The following CCDC38 variants were observed in gnomAD, a reference collection of about 807,000 sequenced individuals.
CCDC38 encodes coiled-coil domain-containing protein 38.
Under a neutral mutation model 72.8 loss-of-function variants are expected in CCDC38, and 69 were observed. The ratio of observed to expected loss-of-function variants is 0.95; its 90% CI spans 0.78 to 1.16. The LOEUF is 1.16. Among genes scored for constraint, CCDC38 ranks in the 50% most tolerant of loss-of-function variants. CCDC38 has a pLI of 0.00. For missense variants in CCDC38, 626 were observed against 638.9 expected, an observed-to-expected ratio of 0.98 and a Z score of 0.22; for synonymous variants, 201 against 213.2, an observed-to-expected ratio of 0.94 and a Z score of 0.50.
intron 9 of CCDC38, 110 bp downstream of exon 9, chr12:95,890,722 G>C: frequency 1.7e-6 from 1 of 597,932 alleles, no homozygotes; most frequent in Non-Finnish European, 3.0e-6. Flanking sequence ...GATTGAGGGT[G>C]GGGTGGACAC....
intron 7 of CCDC38, among the ~76,000 whole-genome samples, chr12:95,897,479 G>A (rs2079902063): frequency 1.3e-5 from 2 of 151,718 alleles, no homozygotes; most frequent in South Asian, 4.2e-4. Flanking sequence ...GCGTGGAGGT[G>A]GGCACCTGTA....
At chr12:95,901,230 A>AT (rs1436588772) in intron 5 of CCDC38, among the ~76,000 whole-genome samples, 3 of 152,200 alleles carry the variant, frequency 2.0e-5, no homozygotes, top group African/African-American at 7.2e-5. Context: ...GGAGTCAAGG[A>AT]TAACCCCAAT....
intron 15 of CCDC38, among the ~76,000 whole-genome samples, chr12:95,868,710 C>G (rs1259817609): frequency 1.3e-5 from 2 of 152,162 alleles, no homozygotes; most frequent in Non-Finnish European, 2.9e-5. Flanking sequence ...GATGCTATCC[C>G]AGAGGAGGGA....
At chr12:95,925,166 C>T (rs1592801095) in intron 2 of CCDC38, among the ~76,000 whole-genome samples, 2 of 152,158 alleles carry the variant, frequency 1.3e-5, no homozygotes, top group East Asian at 3.9e-4. Context: ...TTCTTCCTAT[C>T]CATGAGCATG....
Position 95,908,652 on chromosome 12 carries a change from GA to G in CCDC38, c.305-2202del, listed in dbSNP as rs2080054618. ...GGGAGAGGGAGGAGAGGGAGAGGGA[GA>G]GGGAGGAGAGGGAGAGGGAGAGGGA... On this transcript the variant is annotated intron_variant, in intron 4 of 15. Coordinates refer to ENST00000344280, the MANE Select transcript of CCDC38 (RefSeq NM_182496.3). 1.6e-4 allele frequency among the ~76,000 whole-genome samples: 4 copies of G among 25,116 alleles called. 1 individual carries two copies. The highest frequency in any genetic ancestry group is 2.6e-4 in the Non-Finnish European group (4 of 15,520). 16.5% of individuals were successfully genotyped at this position (25,116 alleles called of 152,430 possible).
chr12:95,883,161 T>C (rs1043845697), intron 10 of CCDC38, among the ~76,000 whole-genome samples: 5 of 152,228 alleles, frequency 3.3e-5, no homozygotes, highest in Admixed American at 6.5e-5. Context: ...CCAATCTCTC[T>C]CACCTGAATT....
chr12:95,916,379 G>GCCTGCCTGCCTTCCTTCCTTCCTT (rs1457231674), intron 4 of CCDC38, among the ~76,000 whole-genome samples: 7,345 of 146,816 alleles, frequency 0.05, 252 homozygotes, highest in Non-Finnish European at 0.069. Flanking sequence ...TTGCCTGCCT[G>GCCTGCCTGCCTTCCTTCCTTCCTT]CCTTCCTTCC....
intron 15 of CCDC38, 69 bp downstream of exon 15, chr12:95,869,411 T>C: frequency 1.7e-6 from 2 of 1,163,480 alleles, no homozygotes; most frequent in Non-Finnish European, 1.3e-6. Flanking sequence ...GTTAGACGAA[T>C]AAAGTATTTT....
intron 5 of CCDC38, 86 bp downstream of exon 5, chr12:95,906,301 G>T: frequency 3.0e-6 from 3 of 988,612 alleles, no homozygotes; most frequent in Non-Finnish European, 4.7e-6. Context: ...ACATGTAATA[G>T]ACAAGCAAAA....
At chr12:95,882,941 C>A (rs142727215) in intron 10 of CCDC38, among the ~76,000 whole-genome samples, 2 of 152,352 alleles carry the variant, frequency 1.3e-5, no homozygotes, top group African/African-American at 4.8e-5. Context: ...AGGCCTGCTC[C>A]TCTTACTGGG....
chr12:95,887,636 G>A (rs527683103), intron 10 of CCDC38, among the ~76,000 whole-genome samples: 1 of 152,166 alleles, frequency 6.6e-6, no homozygotes, highest in South Asian at 2.1e-4. Context: ...GCTCTGAAAG[G>A]GCAACATGAA....
intron 9 of CCDC38, among the ~76,000 whole-genome samples, chr12:95,889,933 G>T (rs2079805390): frequency 6.6e-6 from 1 of 151,358 alleles, no homozygotes; most frequent in South Asian, 2.1e-4. Context: ...TTGACATAGG[G>T]TCTCACTCCG....
rs1307522790 is a variant in CCDC38, at chr12:95,872,474, GA to G, written c.1279-15del. ...TATCAGTATTTCCTGAGATTGAGAA[GA>G]GCAGAAAACATTAACATCACATTCC... On this transcript the variant is annotated splice_polypyrimidine_tract_variant and intron_variant, in intron 13 of 15. Coordinates refer to ENST00000344280, the MANE Select transcript of CCDC38 (RefSeq NM_182496.3). 4 of 1,563,666 alleles carry G rather than the reference GA, an allele frequency of 2.6e-6. No homozygotes were observed. The highest frequency in any genetic ancestry group is 2.6e-6 in the Non-Finnish European group (3 of 1,134,554).
In CCDC38 at chr12:95,879,020, G is replaced by T. The variant is rs2079668674; in HGVS notation, c.1142+624C>A. 6.6e-6 allele frequency among the ~76,000 whole-genome samples: 1 copy of T among 152,042 alleles called. No individual in the cohort carries two copies. Among genetic ancestry groups the T allele is most frequent in the Non-Finnish European group, 1.5e-5 (1 of 68,006 alleles). ...GCCCAGAAAACTGTTCTGAGAAAAG[G>T]TTCTACACATTTTTGCAATGAGTAG... is the stretch of plus-strand genomic sequence containing the variant. On this transcript the variant is annotated intron_variant, in intron 12 of 15. Transcript: ENST00000344280. The surrounding 1 kb of genome is among the most constrained non-coding windows in gnomAD (Gnocchi z 5.5).
At chr12:95,882,424 G>C (rs997989238) in intron 10 of CCDC38, among the ~76,000 whole-genome samples, 1 of 152,130 alleles carries the variant, frequency 6.6e-6, no homozygotes, top group Non-Finnish European at 1.5e-5. Flanking sequence ...TCACAGGAAG[G>C]AAAACAGCTT....
chr12:95,886,973 CA>C lies in CCDC38; in HGVS notation c.920+1484del, dbSNP rs539139253. 5.9e-5 allele frequency among the ~76,000 whole-genome samples: 9 copies of C among 152,310 alleles called. No homozygotes were observed. In the East Asian group the frequency reaches 1.7e-3, roughly 29 times the overall value. ...CCAAGTCATGTGGATCACCTGAAGT[CA>C]GAAGTTCGAGACCAGCCTGACCAAC... On this transcript the variant is annotated intron_variant, in intron 10 of 15. Coordinates refer to ENST00000344280, the MANE Select transcript of CCDC38 (RefSeq NM_182496.3).
At chr12:95,916,424 C>CCTTCCTTCCTTCCTT (rs2080146030) in intron 4 of CCDC38, among the ~76,000 whole-genome samples, 1 of 148,892 alleles carries the variant, frequency 6.7e-6, no homozygotes, top group Non-Finnish European at 1.5e-5. Flanking sequence ...TTCCTTTTTT[C>CCTTCCTTCCTTCCTT]CCTTCTTATT....
intron 13 of CCDC38, 35 bp from the exon 14 acceptor site, chr12:95,872,495 C>T (rs2079592083): frequency 1.5e-6 from 2 of 1,310,526 alleles, no homozygotes; most frequent in Non-Finnish European, 2.2e-6. Flanking sequence ...ATTAACATCA[C>T]ATTCCACATT....
intron 4 of CCDC38, among the ~76,000 whole-genome samples, chr12:95,912,929 T>C: frequency 6.6e-6 from 1 of 151,886 alleles, no homozygotes; most frequent in East Asian, 1.9e-4. Context: ...GGCGTGGTCG[T>C]GTGTGCCTGT....
Sources: gnomAD v4.1 joint callset for allele counts (sites outside exome capture counted in the v4.1 genomes callset) on GRCh38, gnomAD v4.1.1 for gene constraint, Gnocchi (gnomAD v3.1) non-coding constraint, MANE v1.5 for transcripts, NCBI Gene and HGNC (gene_info 2026-07-23, HGNC 2026-07-21) for gene names.